The following IRAK1BP1 variants were observed in gnomAD, a reference collection of about 807,000 sequenced individuals.
IRAK1BP1 encodes interleukin 1 receptor associated kinase 1 binding protein 1, also known as interleukin-1 receptor-associated kinase 1-binding protein 1.
Under a neutral mutation model 28.0 loss-of-function variants are expected in IRAK1BP1, and 24 were observed. The ratio of observed to expected loss-of-function variants is 0.86; its 90% CI spans 0.62 to 1.20. The LOEUF (loss-of-function observed/expected upper bound fraction) is 1.20. Among genes scored for constraint, IRAK1BP1 ranks in the 50% most tolerant of loss-of-function variants. The probability of loss-of-function intolerance (pLI) is 0.00; values close to 1 mark genes in which losing one functional copy is unlikely to be tolerated. For synonymous variants in IRAK1BP1, 131 were observed against 116.3 expected, an observed-to-expected ratio of 1.13 and a Z score of -0.81; for missense variants, 336 against 316.7, an observed-to-expected ratio of 1.06 and a Z score of -0.46.
At chr6:78,880,700 A>G (rs577056428) in intron 1 of IRAK1BP1, among the ~76,000 whole-genome samples, 15 of 152,356 alleles carry the variant, frequency 9.8e-5, no homozygotes, top group Middle Eastern at 3.4e-3. Flanking sequence ...CAAACAGCTC[A>G]ATAAAAATGC....
intron 4 of IRAK1BP1, among the ~76,000 whole-genome samples, chr6:78,943,823 T>C (rs150968152): frequency 0.013 from 1,896 of 151,520 alleles, 18 homozygotes; most frequent in Non-Finnish European, 0.018. Flanking sequence ...CCTGTCTATA[T>C]CAAAAATACA....
chr6:78,875,718 A>G (rs1373184852), intron 1 of IRAK1BP1, among the ~76,000 whole-genome samples: 2 of 152,158 alleles, frequency 1.3e-5, no homozygotes, highest in African/African-American at 4.8e-5. Flanking sequence ...GGGAACTCCA[A>G]AAGTAGGGAG....
chr6:78,935,751 T>C (rs1773251801), intron 4 of IRAK1BP1: 3 of 985,130 alleles, frequency 3.0e-6, no homozygotes, highest in South Asian at 9.4e-5. Flanking sequence ...ATTTACATAA[T>C]GGTATCTGCC....
intron 4 of IRAK1BP1, among the ~76,000 whole-genome samples, chr6:78,926,497 T>C (rs569456510): frequency 6.6e-6 from 1 of 152,286 alleles, no homozygotes; most frequent in Admixed American, 6.5e-5. Flanking sequence ...AATCACATCA[T>C]GTAAAATGGG....
chr6:78,951,326 T>C (rs892086224), downstream of IRAK1BP1, among the ~76,000 whole-genome samples: 2 of 152,202 alleles, frequency 1.3e-5, no homozygotes, highest in Non-Finnish European at 2.9e-5. Flanking sequence ...AATACAATTC[T>C]GTTGAATAAA....
At chr6:78,874,973 A>G (rs1770941898) in intron 1 of IRAK1BP1, among the ~76,000 whole-genome samples, 1 of 152,206 alleles carries the variant, frequency 6.6e-6, no homozygotes, top group Non-Finnish European at 1.5e-5. Context: ...AGAATGGGAG[A>G]AAATATTTGC....
chr6:78,924,841 T>G (rs1202761945), intron 4 of IRAK1BP1, among the ~76,000 whole-genome samples: 1 of 152,146 alleles, frequency 6.6e-6, no homozygotes, highest in Non-Finnish European at 1.5e-5. Flanking sequence ...GGATTATAAA[T>G]CATGTTGCTA....
In IRAK1BP1 at chr6:78,867,878, A is replaced by G. The variant is rs769848206; in HGVS notation, c.302A>G (p.Gln101Arg). 2 of 1,595,690 alleles carry G rather than the reference A, an allele frequency of 1.3e-6. No individual in the cohort carries two copies. Among genetic ancestry groups the G allele is most frequent in the Non-Finnish European group, 1.7e-6 (2 of 1,170,516 alleles). The change falls in exon 1 of 4, where the codon CAG (glutamine) becomes CGG (arginine). Residue 101 changes from glutamine to arginine, a missense_variant. Transcript: ENST00000369940. Reference protein sequence around the residue: ...RLDYITQSLQQQGVQAENITV... With the variant: ...RLDYITQSLQRQGVQAENITV... ...GATTACATCACGCAGAGCCTCCAGC[A>G]GCAGGGCGTGCAGGTGAGATCTCCG... is the stretch of plus-strand genomic sequence containing the variant.
chr6:78,946,192 G>T, exon 5 of IRAK1BP1: 1 of 1,613,242 alleles, frequency 6.2e-7, no homozygotes, highest in Non-Finnish European at 8.5e-7. Context: ...TCGTGTAGGT[G>T]TAGAGAATGC....
chr6:78,925,236 G>A (rs561244935), intron 4 of IRAK1BP1, among the ~76,000 whole-genome samples: 10 of 152,048 alleles, frequency 6.6e-5, no homozygotes, highest in African/African-American at 2.4e-4. Flanking sequence ...GGAGTTAGTG[G>A]GTACGGCACA....
At chr6:78,879,408 G>C (rs1384975495) in intron 1 of IRAK1BP1, among the ~76,000 whole-genome samples, 1 of 152,030 alleles carries the variant, frequency 6.6e-6, no homozygotes, top group Non-Finnish European at 1.5e-5. Context: ...GTATTTTACT[G>C]GTTCTAAGAT....
chr6:78,920,631 A>G (rs1772697818), intron 4 of IRAK1BP1, among the ~76,000 whole-genome samples: 1 of 152,238 alleles, frequency 6.6e-6, no homozygotes, highest in African/African-American at 2.4e-5. Context: ...TACAAAAAGC[A>G]ACTCAAGATG....
chr6:78,927,922 T>G (rs1772936208), intron 4 of IRAK1BP1, among the ~76,000 whole-genome samples: 1 of 152,204 alleles, frequency 6.6e-6, no homozygotes, highest in Non-Finnish European at 1.5e-5. Context: ...AGTACCATGC[T>G]GTTTTGCTCA....
chr6:78,942,719 T>A (rs1379538483), intron 4 of IRAK1BP1, among the ~76,000 whole-genome samples: 2 of 152,182 alleles, frequency 1.3e-5, no homozygotes, highest in South Asian at 4.1e-4. Context: ...TTGTTTTACA[T>A]TATGACTACA....
chr6:78,920,831 T>C (rs1772702646), intron 4 of IRAK1BP1, among the ~76,000 whole-genome samples: 1 of 152,122 alleles, frequency 6.6e-6, no homozygotes, highest in Admixed American at 6.5e-5. Context: ...AATATATATA[T>C]ATATCAACAG....
chr6:78,947,296 T>C (rs1452318607), downstream of IRAK1BP1, among the ~76,000 whole-genome samples: 6 of 152,208 alleles, frequency 3.9e-5, no homozygotes, highest in African/African-American at 1.4e-4. Context: ...TTTTTACTTA[T>C]TTGTAAAAAT....
the IRAK1BP1 span, among the ~76,000 whole-genome samples, chr6:78,965,427 T>C: frequency 6.6e-6 from 1 of 152,220 alleles, no homozygotes; most frequent in Admixed American, 6.5e-5. Context: ...GCCTCCCAAA[T>C]GCACACTTTC....
At chr6:78,889,014 A>G (rs1262274365) in intron 2 of IRAK1BP1, among the ~76,000 whole-genome samples, 1 of 149,434 alleles carries the variant, frequency 6.7e-6, no homozygotes, top group Non-Finnish European at 1.5e-5. Context: ...CTACTCTGGA[A>G]GCTGGGGTGG....
intron 2 of IRAK1BP1, among the ~76,000 whole-genome samples, chr6:78,890,091 T>TA (rs1035464618): frequency 3.5e-4 from 53 of 152,086 alleles, no homozygotes; most frequent in African/African-American, 1.2e-3. Flanking sequence ...TATGCAGCCA[T>TA]AAAAAAGGAT....
Sources: gnomAD v4.1 joint callset for allele counts (sites outside exome capture counted in the v4.1 genomes callset) on GRCh38, gnomAD v4.1.1 for gene constraint, MANE v1.5 for transcripts, NCBI Gene and HGNC (gene_info 2026-07-23, HGNC 2026-07-21) for gene names.